HSDL1: variants seen among roughly 807,000 people sequenced by gnomAD.
The protein encoded by HSDL1 is inactive hydroxysteroid dehydrogenase-like protein 1.
HSDL1 carries 29 observed loss-of-function variants against 31.5 expected under a neutral mutation model. That is an observed-to-expected ratio of 0.92 (90% CI 0.69 to 1.26). The LOEUF is 1.26. HSDL1 is among the 50% of genes most tolerant of loss of function. The pLI is 0.00. For missense variants in HSDL1, 503 were observed against 416.6 expected, an observed-to-expected ratio of 1.21 and a Z score of -1.81; for synonymous variants, 222 against 155.2, an observed-to-expected ratio of 1.43 and a Z score of -3.20.
chr16:84,137,378 G>C (rs1210801193), intron 1 of HSDL1, among the ~76,000 whole-genome samples: 1 of 152,242 alleles, frequency 6.6e-6, no homozygotes, highest in African/African-American at 2.4e-5. Flanking sequence ...CATGTGTGCA[G>C]GCGCACAGGC....
chr16:84,130,038 G>C lies in HSDL1; in HGVS notation c.614C>G (p.Ser205Cys). ...AGGAGTGGGTTTGCAGCAGGAGCCAGAAGAGATCGTGACGATGGCACCTTT... is the reference window on the plus strand; with the variant it reads ...AGGAGTGGGTTTGCAGCAGGAGCCACAAGAGATCGTGACGATGGCACCTTT... The part of the protein sequence containing the change: ...RKKGAIVTIS[S>C]GSCCKPTPQL... Residue 205 changes from serine (S) to cysteine (C), a missense_variant, in exon 4 of 6, where the codon TCT (serine) becomes TGT (cysteine). Transcript: ENST00000219439. 1 of 1,614,174 alleles carries C rather than the reference G, an allele frequency of 6.2e-7. No homozygotes were observed.
rs190461630 is a variant in HSDL1, at chr16:84,130,202, A to G, written c.450T>C (p.Asn150=). The G allele has an allele frequency of 2.5e-6, 4 of 1,614,214 alleles. No individual in the cohort carries two copies. In the Admixed American group the frequency reaches 5.0e-5, roughly 20 times the overall value. Reference sequence around the variant, plus strand: ...GGTAGGGATAAAACACACCCACGTTATTTACCAAGATGCCAACGTCTTTGT... The same window carrying G: ...GGTAGGGATAAAACACACCCACGTTGTTTACCAAGATGCCAACGTCTTTGT... The part of the protein sequence containing the change: ...LKDKDVGILV[N]NVGVFYPYPQ... The change falls in exon 4 of 6, where the codon AAT becomes AAC. Residue 150 remains asparagine (N), a synonymous_variant. Coordinates refer to ENST00000219439, the MANE Select transcript of HSDL1 (RefSeq NM_031463.5).
intron 5 of HSDL1, among the ~76,000 whole-genome samples, chr16:84,127,092 C>T (rs1393787017): frequency 6.6e-6 from 1 of 151,266 alleles, no homozygotes; most frequent in Non-Finnish European, 1.5e-5. Flanking sequence ...ATCCTCATAT[C>T]TTTATTTCTA....
At chr16:84,126,090 A>C (rs546055736) in intron 5 of HSDL1, among the ~76,000 whole-genome samples, 1 of 146,616 alleles carries the variant, frequency 6.8e-6, no homozygotes, top group Non-Finnish European at 1.5e-5. Flanking sequence ...GCAACAGAGC[A>C]AAACTCTGTC....
In HSDL1 at chr16:84,141,102, A is replaced by AAAAAAC. The variant is rs1367096931; in HGVS notation, c.-69+3977_-69+3978insGTTTTT. Among the ~76,000 whole-genome samples, 502 of 151,956 alleles carry AAAAAAC rather than the reference A, an allele frequency of 3.3e-3. 15 individuals are homozygous for AAAAAAC. Among genetic ancestry groups the AAAAAAC allele is most frequent in the African/African-American group, 0.012 (481 of 41,200 alleles). ...CGAGACTCCGTCTCAAACAAAAAAA[A>AAAAAAC]AAACAGTATTGCTAAGTTTCGCCTG... On this transcript the variant is annotated intron_variant, in intron 1 of 5. Transcript: ENST00000219439.
At chr16:84,136,638 G>C (rs1357316245) in intron 1 of HSDL1, among the ~76,000 whole-genome samples, 1 of 152,272 alleles carries the variant, frequency 6.6e-6, no homozygotes, top group Non-Finnish European at 1.5e-5. Flanking sequence ...CTGCAGAGGT[G>C]AGTACAGGAA....
chr16:84,125,245 A>G (rs920083910), intron 5 of HSDL1: 2 of 156,128 alleles, frequency 1.3e-5, no homozygotes, highest in African/African-American at 4.9e-5. Context: ...CAATCACAAC[A>G]AATACCCACC....
intron 1 of HSDL1, among the ~76,000 whole-genome samples, chr16:84,143,178 C>T (rs1234645973): frequency 1.3e-5 from 2 of 152,108 alleles, no homozygotes; most frequent in East Asian, 3.9e-4. Flanking sequence ...CTCACAACTG[C>T]CAGAAGGCAG....
intron 2 of HSDL1, among the ~76,000 whole-genome samples, chr16:84,133,390 T>G (rs1372319367): frequency 6.6e-6 from 1 of 152,208 alleles, no homozygotes; most frequent in Non-Finnish European, 1.5e-5. Context: ...CGTATTAAGT[T>G]GATATTGCTG....
At chr16:84,130,533 C>T in intron 3 of HSDL1, 102 bp from the exon 4 acceptor site, 1 of 934,834 alleles carries the variant, frequency 1.1e-6, no homozygotes, top group Non-Finnish European at 1.6e-6. Context: ...GAAAAATTCA[C>T]ACTAGAAATC....
intron 2 of HSDL1, among the ~76,000 whole-genome samples, chr16:84,135,216 G>C (rs1046833547): frequency 6.6e-6 from 1 of 150,922 alleles, no homozygotes; most frequent in Non-Finnish European, 1.5e-5. Context: ...CTGGACGACA[G>C]AGGGAGACTC....
At chr16:84,125,176 AAT>A in intron 5 of HSDL1, 1 of 163,562 alleles carries the variant, frequency 6.1e-6, no homozygotes, top group African/African-American at 2.5e-5. Flanking sequence ...CCCACCAATC[AAT>A]CACAACAAAT....
intron 2 of HSDL1, among the ~76,000 whole-genome samples, chr16:84,134,010 GTCTT>G (rs1274252703): frequency 2.6e-5 from 4 of 152,268 alleles, no homozygotes; most frequent in South Asian, 2.1e-4. Context: ...GTTCAACAAA[GTCTT>G]TCTTTTTTCT....
chr16:84,129,879 T>A, intron 4 of HSDL1, 104 bp from the exon 5 acceptor site: 10 of 1,401,512 alleles, frequency 7.1e-6, no homozygotes, highest in South Asian at 1.3e-5. Context: ...AAATACAGGA[T>A]AAGCATATGT....
intron 1 of HSDL1, among the ~76,000 whole-genome samples, chr16:84,144,764 A>C (rs2151195572): frequency 7.2e-6 from 1 of 138,518 alleles, no homozygotes; most frequent in Non-Finnish European, 1.6e-5. Context: ...AAGAGAGAGA[A>C]CAGGGGTGCA....
At chr16:84,126,891 A>G (rs545959202) in intron 5 of HSDL1, among the ~76,000 whole-genome samples, 5 of 152,374 alleles carry the variant, frequency 3.3e-5, no homozygotes, top group Non-Finnish European at 7.3e-5. Flanking sequence ...TTTGAGTAAC[A>G]TAAAATGAAA....
chr16:84,137,774 C>A (rs2086725822), intron 1 of HSDL1, among the ~76,000 whole-genome samples: 1 of 152,210 alleles, frequency 6.6e-6, no homozygotes. Context: ...TCCCCAGAGC[C>A]ACCAAATTTC....
chr16:84,136,340 T>C (rs2086712157), intron 1 of HSDL1, among the ~76,000 whole-genome samples: 1 of 152,220 alleles, frequency 6.6e-6, no homozygotes, highest in Admixed American at 6.5e-5. Context: ...CACACTGCAT[T>C]GCAACTGTTC....
chr16:84,129,273 G>C (rs557626546), intron 5 of HSDL1, among the ~76,000 whole-genome samples: 1 of 151,912 alleles, frequency 6.6e-6, no homozygotes, highest in Non-Finnish European at 1.5e-5. Context: ...CCAGCTACTC[G>C]GGAAGCTGAG....
Sources: allele counts gnomAD v4.1 joint callset (sites outside exome capture counted in the v4.1 genomes callset), GRCh38; gene constraint gnomAD v4.1.1; transcripts MANE v1.5; gene names NCBI Gene and HGNC (gene_info 2026-07-23, HGNC 2026-07-21).